PHACTR3: variants seen among roughly 807,000 people sequenced by gnomAD.
The protein encoded by PHACTR3 is protein phosphatase 1, regulatory subunit 123.
Under a neutral mutation model 66.8 loss-of-function variants are expected in PHACTR3, and 16 were observed. That is an observed-to-expected ratio of 0.24 (90% CI 0.16 to 0.36). The LOEUF is 0.36. Ranked by LOEUF, PHACTR3 falls within the 10% of genes least tolerant of loss-of-function variation. The pLI is 1.00. For missense variants in PHACTR3, 647 were observed against 719.9 expected, an observed-to-expected ratio of 0.90 and a Z score of 1.16; for synonymous variants, 323 against 292.1, an observed-to-expected ratio of 1.11 and a Z score of -1.08.
In PHACTR3 at chr20:59,784,081, C is replaced by T. The variant is rs374598041; in HGVS notation, c.1174+9591C>T. 2.0e-5 allele frequency among the ~76,000 whole-genome samples: 3 copies of T among 152,118 alleles called. No homozygotes were observed. The East Asian group carries it at 5.8e-4, about 29-fold the overall frequency. On this transcript the variant is annotated intron_variant, in intron 7 of 12. Transcript: ENST00000371015. Reference sequence around the variant, plus strand: ...ATTTTGTAGATGTGGTTGTCACCTGCAGTCGGTGACTTTAAGGGGCTTTGA... The same window carrying T: ...ATTTTGTAGATGTGGTTGTCACCTGTAGTCGGTGACTTTAAGGGGCTTTGA...
intron 1 of PHACTR3, among the ~76,000 whole-genome samples, chr20:59,654,553 A>G (rs2035555525): frequency 2.0e-5 from 3 of 152,180 alleles, no homozygotes; most frequent in Admixed American, 6.5e-5. Flanking sequence ...TGTAATTGGA[A>G]ATATAAACCA....
chr20:59,634,351 C>T (rs576792108), intron 1 of PHACTR3, among the ~76,000 whole-genome samples: 1 of 152,292 alleles, frequency 6.6e-6, no homozygotes, highest in Admixed American at 6.5e-5. Flanking sequence ...AATGGGCACA[C>T]TAGTAGTATT....
intron 7 of PHACTR3, among the ~76,000 whole-genome samples, chr20:59,780,109 G>A (rs577802705): frequency 2.0e-4 from 31 of 152,228 alleles, no homozygotes; most frequent in African/African-American, 6.7e-4. Flanking sequence ...ATGGGAATCC[G>A]GGCTGCAAGG....
chr20:59,798,259 C>T, intron 7 of PHACTR3, among the ~76,000 whole-genome samples: 1 of 152,130 alleles, frequency 6.6e-6, no homozygotes, highest in East Asian at 1.9e-4. Flanking sequence ...TATGGAGGAG[C>T]CCTCAAGCCA....
intron 1 of PHACTR3, among the ~76,000 whole-genome samples, chr20:59,693,490 TC>T (rs2037183719): frequency 6.6e-6 from 1 of 152,048 alleles, no homozygotes; most frequent in South Asian, 2.1e-4. Context: ...ATGTTTCCAT[TC>T]CCCCATCTAT....
At position 59,806,023 on chromosome 20, in the gene PHACTR3, C is replaced by T. The variant is rs1215924625; in HGVS notation, c.1175-18C>T. The T allele has an allele frequency of 1.2e-6, 2 of 1,610,190 alleles. No individual in the cohort carries two copies. Among genetic ancestry groups the T allele is most frequent in the South Asian group, 2.2e-5 (2 of 90,508 alleles). On this transcript the variant is annotated intron_variant, in intron 7 of 12. Transcript: ENST00000371015. ...CCTTTGTTCCCTTCTCTCCTCTTGC[C>T]CTGGATGGGGCTTTTAGGAACACTG...
chr20:59,648,740 G>A (rs995374254), intron 1 of PHACTR3, among the ~76,000 whole-genome samples: 10 of 152,190 alleles, frequency 6.6e-5, no homozygotes, highest in African/African-American at 2.4e-4. Flanking sequence ...TAATTAAAGA[G>A]GACACACTTG....
intron 1 of PHACTR3, among the ~76,000 whole-genome samples, chr20:59,729,382 G>A (rs138090203): frequency 2.0e-5 from 3 of 152,262 alleles, no homozygotes; most frequent in Non-Finnish European, 4.4e-5. Flanking sequence ...AGGAAAAGGA[G>A]ACCGGGGCAC....
intron 1 of PHACTR3, among the ~76,000 whole-genome samples, chr20:59,642,495 G>A (rs977431869): frequency 5.3e-5 from 7 of 130,906 alleles, no homozygotes; most frequent in East Asian, 2.3e-4. Context: ...CATTTTTCCC[G>A]TGTCGGGATT....
chr20:59,694,778 G>A (rs1345997094), intron 1 of PHACTR3, among the ~76,000 whole-genome samples: 1 of 152,056 alleles, frequency 6.6e-6, no homozygotes, highest in African/African-American at 2.4e-5. Flanking sequence ...AGCTGATGAA[G>A]GCACTAGGAT....
intron 7 of PHACTR3, among the ~76,000 whole-genome samples, chr20:59,804,938 A>G (rs747494784): frequency 2.6e-5 from 4 of 152,194 alleles, no homozygotes; most frequent in Non-Finnish European, 5.9e-5. Context: ...AAGTGATCAT[A>G]TTGGATAACA....
At chr20:59,836,289 G>GT (rs1260649514) in intron 8 of PHACTR3, 3 of 555,826 alleles carry the variant, frequency 5.4e-6, no homozygotes, top group Non-Finnish European at 6.3e-6. Context: ...GACTAGTCTA[G>GT]TATTAGCTCT....
At chr20:59,840,715 T>C (rs778886932) in intron 10 of PHACTR3, among the ~76,000 whole-genome samples, 22 of 152,234 alleles carry the variant, frequency 1.4e-4, no homozygotes, top group Admixed American at 1.1e-3. Flanking sequence ...CAGAAGTTGA[T>C]TGGCATTTTC....
At chr20:59,696,409 A>G (rs540965728) in intron 1 of PHACTR3, among the ~76,000 whole-genome samples, 2 of 152,266 alleles carry the variant, frequency 1.3e-5, no homozygotes, top group South Asian at 4.2e-4. Flanking sequence ...GAGTGGGGCC[A>G]TGAGTGACCA....
At chr20:59,666,212 T>C (rs2035981090) in intron 1 of PHACTR3, among the ~76,000 whole-genome samples, 1 of 152,100 alleles carries the variant, frequency 6.6e-6, no homozygotes, top group Non-Finnish European at 1.5e-5. Context: ...CCCCATGGGG[T>C]TAGCTCCAGG....
At chr20:59,803,237 CA>C (rs1405913635) in intron 7 of PHACTR3, among the ~76,000 whole-genome samples, 2 of 152,128 alleles carry the variant, frequency 1.3e-5, no homozygotes, top group Non-Finnish European at 2.9e-5. Flanking sequence ...ACATTCTTCT[CA>C]AAATTCCACC....
intron 1 of PHACTR3, among the ~76,000 whole-genome samples, chr20:59,581,046 A>G (rs34241446): frequency 0.037 from 5,664 of 152,340 alleles, 172 homozygotes; most frequent in Middle Eastern, 0.065. Context: ...TCCGGTCCAG[A>G]AATGGAGCTG....
At chr20:59,789,522 T>C (rs941825979) in intron 7 of PHACTR3, among the ~76,000 whole-genome samples, 2 of 152,200 alleles carry the variant, frequency 1.3e-5, no homozygotes, top group Admixed American at 1.3e-4. Flanking sequence ...GTAAGGGGCA[T>C]ACCTTAAGGC....
At chr20:59,797,259 G>A (rs959467938) in intron 7 of PHACTR3, among the ~76,000 whole-genome samples, 3 of 151,862 alleles carry the variant, frequency 2.0e-5, no homozygotes, top group Non-Finnish European at 4.4e-5. Context: ...ATTTTCTACT[G>A]TATTCTCTTG....
Sources: gnomAD v4.1 joint callset for allele counts (sites outside exome capture counted in the v4.1 genomes callset) on GRCh38, gnomAD v4.1.1 for gene constraint, MANE v1.5 for transcripts, NCBI Gene and HGNC (gene_info 2026-07-23, HGNC 2026-07-21) for gene names.